FBXW8: variants seen among roughly 807,000 people sequenced by gnomAD.
FBXW8 encodes F-box/WD repeat-containing protein 8.
FBXW8 carries 57 observed loss-of-function variants against 65.3 expected under a neutral mutation model. That is an observed-to-expected ratio of 0.87 (90% CI 0.71 to 1.09). The LOEUF is 1.09. Ranked by LOEUF, FBXW8 falls within the 50% of genes least tolerant of loss-of-function variation. The pLI, the probability that FBXW8 is intolerant of heterozygous loss-of-function variation, is 0.00. For synonymous variants in FBXW8, 308 were observed against 330.2 expected (o/e 0.93, Z 0.73); for missense variants, 777 against 814.8 (o/e 0.95, Z 0.57).
At chr12:116,996,099 T>C (rs1953367151) in intron 7 of FBXW8, among the ~76,000 whole-genome samples, 1 of 152,202 alleles carries the variant, frequency 6.6e-6, no homozygotes, top group African/African-American at 2.4e-5. Flanking sequence ...TTAGGGCTCT[T>C]AGCATCATTC....
chr12:117,006,425 G>C (rs565107886), intron 7 of FBXW8, among the ~76,000 whole-genome samples: 2 of 152,340 alleles, frequency 1.3e-5, no homozygotes, highest in African/African-American at 4.8e-5. Context: ...ACCCCCACAG[G>C]GACAAGAGCC....
chr12:117,017,278 T>C (rs1953974547), intron 8 of FBXW8, among the ~76,000 whole-genome samples: 1 of 152,220 alleles, frequency 6.6e-6, no homozygotes, highest in African/African-American at 2.4e-5. Flanking sequence ...TTGGGTCTAG[T>C]AGACCTCTTC....
rs1223737188 is a variant in FBXW8, at chr12:116,936,341, A to G, written c.423+8214A>G. On this transcript the variant is annotated intron_variant, in intron 2 of 10. Transcript: ENST00000652555. The surrounding 1 kb of genome is among the most constrained non-coding windows in gnomAD (Gnocchi z 4.6). ...AGTGGGTGGTTGTCGTACGCTGAATAATGGCCCTCCCAAATATGCTGACGT... is the reference window on the plus strand; with the variant it reads ...AGTGGGTGGTTGTCGTACGCTGAATGATGGCCCTCCCAAATATGCTGACGT... Among the ~76,000 whole-genome samples, 1 of 152,184 alleles carries G rather than the reference A, an allele frequency of 6.6e-6. No homozygotes were observed. Among genetic ancestry groups the G allele is most frequent in the Non-Finnish European group, 1.5e-5 (1 of 68,038 alleles).
intron 9 of FBXW8, among the ~76,000 whole-genome samples, chr12:117,024,970 G>A (rs1017068674): frequency 1.3e-5 from 2 of 152,126 alleles, no homozygotes; most frequent in African/African-American, 2.4e-5. Context: ...AGGTAGGTAG[G>A]TTTACGCCAG....
At chr12:117,011,748 G>T (rs1953824008) in intron 8 of FBXW8, among the ~76,000 whole-genome samples, 1 of 152,146 alleles carries the variant, frequency 6.6e-6, no homozygotes, top group African/African-American at 2.4e-5. Context: ...GGTGGATGGT[G>T]CTCAGAGTTT....
At chr12:117,015,778 C>T (rs116969521) in intron 8 of FBXW8, among the ~76,000 whole-genome samples, 2,723 of 152,284 alleles carry the variant, frequency 0.018, 38 homozygotes, top group Non-Finnish European at 0.029. Flanking sequence ...GTTATCACTA[C>T]AGTCCATTTT....
intron 8 of FBXW8, among the ~76,000 whole-genome samples, chr12:117,014,462 A>G (rs1347032899): frequency 6.6e-6 from 1 of 152,216 alleles, no homozygotes; most frequent in Non-Finnish European, 1.5e-5. Context: ...AGAAAGGGTC[A>G]CATTTTCCCG....
At chr12:116,940,213 G>A (rs1882464891) in intron 2 of FBXW8, among the ~76,000 whole-genome samples, 1 of 151,816 alleles carries the variant, frequency 6.6e-6, no homozygotes, top group Non-Finnish European at 1.5e-5. Flanking sequence ...CCAGTGGTTT[G>A]CCACAGAGCT....
chr12:116,987,105 C>G (rs1488763019), intron 6 of FBXW8: 1 of 152,262 alleles, frequency 6.6e-6, no homozygotes, highest in East Asian at 1.9e-4. Flanking sequence ...ATGGCAGTGG[C>G]AGTGTTCCCA....
chr12:117,027,370 G>A lies in FBXW8; in HGVS notation c.1542-24G>A, dbSNP rs200407002. The A allele has an allele frequency of 1.2e-4, 195 of 1,602,364 alleles. No homozygotes were observed. In the African/African-American group the frequency reaches 2.0e-3, roughly 16 times the overall value. On this transcript the variant is annotated intron_variant, in intron 9 of 10. Coordinates refer to ENST00000652555, the MANE Select transcript of FBXW8 (RefSeq NM_153348.3). ...GCAGGCCCAGTGGACGCCCCCTTAC[G>A]AGCTCTCTCCCACTGCCTTCCAGGC...
chr12:116,989,946 C>T (rs1440863966), intron 7 of FBXW8, among the ~76,000 whole-genome samples: 3 of 152,248 alleles, frequency 2.0e-5, no homozygotes, highest in Non-Finnish European at 2.9e-5. Context: ...GTGCCTGGCA[C>T]ATGAGAGCTC....
intron 1 of FBXW8, among the ~76,000 whole-genome samples, chr12:116,920,911 C>T (rs1880847163): frequency 6.6e-6 from 1 of 152,182 alleles, no homozygotes; most frequent in African/African-American, 2.4e-5. Context: ...TGGTACCCCT[C>T]TGGGACCTGA....
Position 117,028,509 on chromosome 12 carries a change from G to A in FBXW8, c.*337G>A, listed in dbSNP as rs995295518. Reference sequence around the variant, plus strand: ...CTGCTTAGCCAGCTTCTGTGTGTCCGCCCTCCCAGCTCCAGCCCTGCAGGC... The same window carrying A: ...CTGCTTAGCCAGCTTCTGTGTGTCCACCCTCCCAGCTCCAGCCCTGCAGGC... On this transcript the variant is annotated 3_prime_UTR_variant, in exon 11 of 11. Transcript: ENST00000652555. The surrounding 1 kb of genome is among the most constrained non-coding windows in gnomAD (Gnocchi z 4.1). 8 of 235,890 alleles carry A rather than the reference G, an allele frequency of 3.4e-5. No individual in the cohort carries two copies. The highest frequency in any genetic ancestry group is 4.4e-5 in the African/African-American group (2 of 45,556). The allele number at this position is 235,890 out of a possible 1,614,324, so 14.6% of individuals were successfully genotyped here. A position where few individuals can be genotyped will look rare whatever the true frequency, so the allele number is the denominator to read the frequency against.
chr12:117,024,358 AG>A, intron 9 of FBXW8, 38 bp downstream of exon 9: 1 of 1,610,596 alleles, frequency 6.2e-7, no homozygotes, highest in Non-Finnish European at 8.5e-7. Context: ...AGTTCCTAGT[AG>A]GAACAGGGAA....
At chr12:117,003,642 GT>G (rs1442834572) in intron 7 of FBXW8, among the ~76,000 whole-genome samples, 1 of 152,188 alleles carries the variant, frequency 6.6e-6, no homozygotes, top group African/African-American at 2.4e-5. Context: ...GGTCACAAGT[GT>G]TTTCCGTGTT....
rs551187912 is a variant in FBXW8, at chr12:116,973,025, A to G, written c.835+8171A>G. Among the ~76,000 whole-genome samples the G allele has an allele frequency of 3.5e-4, 53 of 152,290 alleles. No homozygotes were observed. In the South Asian group the frequency reaches 4.4e-3, roughly 13 times the overall value. ...AAGAAGTGCTTGAAGAATGATGACA[A>G]CATGTCACAAGGACACATAAGTGAG... On this transcript the variant is annotated intron_variant, in intron 5 of 10. Coordinates refer to ENST00000652555, the MANE Select transcript of FBXW8 (RefSeq NM_153348.3).
chr12:116,990,569 G>A lies in FBXW8; in HGVS notation c.1239+1700G>A, dbSNP rs141554440. Reference sequence around the variant, plus strand: ...ATTTTTAGAGCTCTCAGTATAGAGAGGTGATAGTTATATTCAGTACCAGTC... The same window carrying A: ...ATTTTTAGAGCTCTCAGTATAGAGAAGTGATAGTTATATTCAGTACCAGTC... On this transcript the variant is annotated intron_variant, in intron 7 of 10. Transcript: ENST00000652555. Among the ~76,000 whole-genome samples, 47 of 152,230 alleles carry A rather than the reference G, an allele frequency of 3.1e-4. 1 individual carries two copies. The South Asian group carries it at 3.5e-3, about 11-fold the overall frequency.
chr12:116,915,683 T>C (rs1216551055), intron 1 of FBXW8, among the ~76,000 whole-genome samples: 1 of 145,606 alleles, frequency 6.9e-6, no homozygotes, highest in Non-Finnish European at 1.5e-5. Flanking sequence ...GATAGAGTCT[T>C]ACCCTGTAAC....
chr12:116,944,529 T>C (rs1882805024), intron 2 of FBXW8, among the ~76,000 whole-genome samples: 1 of 152,172 alleles, frequency 6.6e-6, no homozygotes, highest in South Asian at 2.1e-4. Flanking sequence ...TTTGGATGGA[T>C]GGCAAGCATC....
Sources: allele counts gnomAD v4.1 joint callset (sites outside exome capture counted in the v4.1 genomes callset), GRCh38; gene constraint gnomAD v4.1.1; non-coding constraint Gnocchi (gnomAD v3.1); transcripts MANE v1.5; gene names NCBI Gene and HGNC (gene_info 2026-07-23, HGNC 2026-07-21).